Variants in DLG2 observed in about 807,000 individuals in gnomAD.
DLG2 encodes the protein disks large homolog 2.
A neutral mutation model predicts 132.5 loss-of-function variants in DLG2; 45 were observed. The observed-to-expected ratio is 0.34, with a 90% CI of 0.27 to 0.44. The LOEUF (loss-of-function observed/expected upper bound fraction) is 0.44. Ranked by LOEUF, DLG2 falls within the 20% of genes least tolerant of loss-of-function variation. The probability of loss-of-function intolerance (pLI) is 1.00; values close to 1 mark genes in which losing one functional copy is unlikely to be tolerated. For missense variants in DLG2, 1,045 were observed against 1,196.9 expected, an observed-to-expected ratio of 0.87 and a Z score of 1.87; for synonymous variants, 424 against 419.6, an observed-to-expected ratio of 1.01 and a Z score of -0.13.
At chr11:85,284,946 C>T (rs2078462474) in intron 4 of DLG2, among the ~76,000 whole-genome samples, 2 of 151,838 alleles carry the variant, frequency 1.3e-5, no homozygotes, top group Non-Finnish European at 2.9e-5. Flanking sequence ...TGTTCTGAAA[C>T]TCCAGAATGC....
intron 3 of DLG2, among the ~76,000 whole-genome samples, chr11:85,494,806 G>T (rs975581528): frequency 6.6e-6 from 1 of 151,654 alleles, no homozygotes; most frequent in Non-Finnish European, 1.5e-5. Context: ...AAGAAACATA[G>T]AAGATATAAT....
chr11:84,635,149 C>T (rs978855836), intron 6 of DLG2, among the ~76,000 whole-genome samples: 13 of 152,304 alleles, frequency 8.5e-5, no homozygotes, highest in South Asian at 2.1e-4. Context: ...TCCCAGGCAG[C>T]GGGAATTTCA....
At chr11:83,600,628 A>G (rs191340922) in intron 19 of DLG2, among the ~76,000 whole-genome samples, 1 of 152,324 alleles carries the variant, frequency 6.6e-6, no homozygotes, top group African/African-American at 2.4e-5. Context: ...CTGTACAGAG[A>G]GATGTGCAGA....
intron 6 of DLG2, among the ~76,000 whole-genome samples, chr11:84,996,234 C>T (rs1328942494): frequency 6.6e-6 from 1 of 151,640 alleles, no homozygotes; most frequent in Non-Finnish European, 1.5e-5. Context: ...CTTTTTAATC[C>T]AAAGATTAAA....
At chr11:83,508,244 TC>T (rs2094830224) in intron 21 of DLG2, among the ~76,000 whole-genome samples, 1 of 149,140 alleles carries the variant, frequency 6.7e-6, no homozygotes, top group African/African-American at 2.5e-5. Context: ...AGAATATACA[TC>T]TTTTTTTTTT....
chr11:83,756,955 T>C (rs994288060), intron 18 of DLG2, among the ~76,000 whole-genome samples: 5 of 152,216 alleles, frequency 3.3e-5, no homozygotes, highest in Non-Finnish European at 7.3e-5. Context: ...AGCACTAATA[T>C]AGAAATACAT....
intron 6 of DLG2, among the ~76,000 whole-genome samples, chr11:85,110,756 G>A (rs964297783): frequency 2.0e-5 from 3 of 152,176 alleles, no homozygotes; most frequent in Admixed American, 6.6e-5. Context: ...CAGTCCAGTC[G>A]TATCTTTCAG....
In DLG2 at chr11:83,662,973, C is replaced by T. The variant is rs937588091; in HGVS notation, c.1826-29648G>A. 3.9e-5 allele frequency among the ~76,000 whole-genome samples: 6 copies of T among 152,294 alleles called. No individual in the cohort carries two copies. The East Asian group carries it at 5.8e-4, about 15-fold the overall frequency. ...CTGGAACAAACTGTGGCTCAGGAAACGGCTTCCTGAGGTTACCTGATTTGG... is the reference window on the plus strand; with the variant it reads ...CTGGAACAAACTGTGGCTCAGGAAATGGCTTCCTGAGGTTACCTGATTTGG... On this transcript the variant is annotated intron_variant, in intron 18 of 27. Coordinates refer to ENST00000376104, the MANE Select transcript of DLG2 (RefSeq NM_001142699.3).
chr11:85,457,812 C>G (rs1405635363), intron 3 of DLG2, among the ~76,000 whole-genome samples: 1 of 152,182 alleles, frequency 6.6e-6, no homozygotes, highest in Non-Finnish European at 1.5e-5. Context: ...CACTGTTGAC[C>G]TGATGGGATT....
At chr11:85,413,887 T>C (rs1411601523) in intron 3 of DLG2, among the ~76,000 whole-genome samples, 3 of 152,092 alleles carry the variant, frequency 2.0e-5, no homozygotes, top group Admixed American at 6.6e-5. Context: ...ATGCAGCCTC[T>C]TTTTTGGTTC....
intron 9 of DLG2, among the ~76,000 whole-genome samples, chr11:84,099,400 T>G (rs2092197996): frequency 6.6e-6 from 1 of 152,100 alleles, no homozygotes; most frequent in African/African-American, 2.4e-5. Context: ...TACATTTATA[T>G]GAAAGAGGAA....
chr11:84,521,317 G>A (rs764476823), intron 7 of DLG2, among the ~76,000 whole-genome samples: 13 of 152,142 alleles, frequency 8.5e-5, no homozygotes, highest in African/African-American at 1.9e-4. Flanking sequence ...GATCTGCTGA[G>A]TTGAGAACAC....
chr11:84,918,018 T>C (rs935118289), intron 6 of DLG2, among the ~76,000 whole-genome samples: 6 of 152,180 alleles, frequency 3.9e-5, no homozygotes, highest in Non-Finnish European at 7.4e-5. Context: ...CAACAAATTA[T>C]GTGTTTATTA....
intron 3 of DLG2, among the ~76,000 whole-genome samples, chr11:85,484,537 C>T (rs556034451): frequency 1.9e-4 from 28 of 151,216 alleles, no homozygotes; most frequent in African/African-American, 3.7e-4. Flanking sequence ...AAAAAGTGGG[C>T]GAAGGACATC....
intron 11 of DLG2, among the ~76,000 whole-genome samples, chr11:84,038,553 T>C (rs538383031): frequency 1.8e-4 from 27 of 152,186 alleles, no homozygotes; most frequent in African/African-American, 6.0e-4. Flanking sequence ...TAGAAAAATC[T>C]AAAAGGTATA....
At chr11:84,011,071 C>T (rs1261932752) in intron 11 of DLG2, among the ~76,000 whole-genome samples, 2 of 150,234 alleles carry the variant, frequency 1.3e-5, no homozygotes, top group Non-Finnish European at 3.0e-5. Context: ...ATCTTTTTGG[C>T]CACTATAAAA....
chr11:85,547,238 C>A (rs939289442), intron 3 of DLG2, among the ~76,000 whole-genome samples: 3 of 152,144 alleles, frequency 2.0e-5, no homozygotes, highest in African/African-American at 7.2e-5. Context: ...GGTTTTATTT[C>A]TCCTTCACTT....
At chr11:84,474,186 C>T (rs1192404760) in intron 7 of DLG2, among the ~76,000 whole-genome samples, 1 of 151,954 alleles carries the variant, frequency 6.6e-6, no homozygotes, top group African/African-American at 2.4e-5. Flanking sequence ...TATCCACAGC[C>T]CTCTCCTTAT....
chr11:84,867,974 C>T (rs564892764), intron 6 of DLG2, among the ~76,000 whole-genome samples: 5 of 151,762 alleles, frequency 3.3e-5, no homozygotes, highest in South Asian at 2.1e-4. Context: ...CTCGGGAGGC[C>T]GAGGCAGGAG....
Sources: gnomAD v4.1 joint callset for allele counts (sites outside exome capture counted in the v4.1 genomes callset) on GRCh38, gnomAD v4.1.1 for gene constraint, MANE v1.5 for transcripts, NCBI Gene and HGNC (gene_info 2026-07-23, HGNC 2026-07-21) for gene names.